The following GLIS3 variants were observed in gnomAD, a reference collection of about 807,000 sequenced individuals.
GLIS3 encodes the protein GLIS family zinc finger 3.
Under a neutral mutation model 78.6 loss-of-function variants are expected in GLIS3, and 53 were observed. That is an observed-to-expected ratio of 0.67 (90% CI 0.54 to 0.85). GLIS3 has a LOEUF of 0.85. Among genes scored for constraint, GLIS3 ranks in the 40% least tolerant of loss-of-function variants. The pLI is 0.00. For synonymous variants in GLIS3, 684 were observed against 509.9 expected, an observed-to-expected ratio of 1.34 and a Z score of -4.60; for missense variants, 1,703 against 1,231.1, an observed-to-expected ratio of 1.38 and a Z score of -5.74.
At chr9:4,099,850 C>T (rs900619145) in intron 4 of GLIS3, among the ~76,000 whole-genome samples, 2 of 152,224 alleles carry the variant, frequency 1.3e-5, no homozygotes, top group Admixed American at 6.5e-5. Context: ...TTTGTTTTCA[C>T]CTTCAAATTC....
chr9:3,907,158 G>T (rs909740611), intron 6 of GLIS3, among the ~76,000 whole-genome samples: 2 of 152,234 alleles, frequency 1.3e-5, no homozygotes, highest in African/African-American at 4.8e-5. Flanking sequence ...GATTGGACAT[G>T]TGCACTGGGG....
chr9:3,987,023 T>TA (rs1819796101), intron 4 of GLIS3, among the ~76,000 whole-genome samples: 1 of 152,196 alleles, frequency 6.6e-6, no homozygotes, highest in South Asian at 2.1e-4. Context: ...TGAAATGATC[T>TA]GAAAAGGATT....
intron 8 of GLIS3, among the ~76,000 whole-genome samples, chr9:3,863,272 C>T (rs1820345459): frequency 6.6e-6 from 1 of 152,188 alleles, no homozygotes; most frequent in Admixed American, 6.5e-5. Flanking sequence ...ACAAAAGAGA[C>T]ACTTGGACTC....
intron 2 of GLIS3, among the ~76,000 whole-genome samples, chr9:4,218,289 C>CTT (rs548990394): frequency 6.7e-6 from 1 of 149,308 alleles, no homozygotes; most frequent in Non-Finnish European, 1.5e-5. Flanking sequence ...TTTGGTTGAA[C>CTT]TTTTTTTTTT....
At chr9:3,982,224 T>TC (rs1208971590) in intron 4 of GLIS3, among the ~76,000 whole-genome samples, 1 of 152,000 alleles carries the variant, frequency 6.6e-6, no homozygotes, top group East Asian at 1.9e-4. Flanking sequence ...TTTTTTTTTT[T>TC]CCTACATAGC....
At chr9:4,331,834 G>A (rs1388743143) in intron 2 of GLIS3, among the ~76,000 whole-genome samples, 1 of 152,238 alleles carries the variant, frequency 6.6e-6, no homozygotes, top group African/African-American at 2.4e-5. Flanking sequence ...TTCAGACAGA[G>A]AGAACACATG....
intron 7 of GLIS3, among the ~76,000 whole-genome samples, chr9:3,897,447 A>T (rs1822935128): frequency 6.6e-6 from 1 of 150,802 alleles, no homozygotes; most frequent in African/African-American, 2.4e-5. Context: ...ATATATATAT[A>T]TATTTAATAC....
intron 4 of GLIS3, among the ~76,000 whole-genome samples, chr9:4,116,202 T>C (rs1342613831): frequency 1.3e-5 from 2 of 152,228 alleles, no homozygotes; most frequent in African/African-American, 4.8e-5. Flanking sequence ...CAGTGAACTA[T>C]TTTCAGCCAG....
At chr9:4,250,122 T>C (rs1005571167) in intron 2 of GLIS3, among the ~76,000 whole-genome samples, 2 of 152,230 alleles carry the variant, frequency 1.3e-5, no homozygotes, top group Non-Finnish European at 2.9e-5. Context: ...ATCAGGATGA[T>C]GCTGGCCTCA....
the GLIS3 span, among the ~76,000 whole-genome samples, chr9:4,400,390 A>G: frequency 6.6e-6 from 1 of 152,184 alleles, no homozygotes; most frequent in African/African-American, 2.4e-5. Context: ...GTAATTCAAA[A>G]TCAAAGCTGT....
At chr9:4,125,206 T>C (rs2130910706) in intron 3 of GLIS3, among the ~76,000 whole-genome samples, 1 of 152,358 alleles carries the variant, frequency 6.6e-6, no homozygotes, top group Middle Eastern at 3.4e-3. Flanking sequence ...CTTTCTATCT[T>C]TACTCTCTCT....
At chr9:4,303,008 G>GTTC (rs1817131270), upstream of GLIS3, among the ~76,000 whole-genome samples, 2 of 152,274 alleles carry the variant, frequency 1.3e-5, no homozygotes, top group African/African-American at 2.4e-5. Context: ...CTCACTCAAA[G>GTTC]CTAGAGTACA....
chr9:4,190,313 T>A (rs1336789847), intron 2 of GLIS3, among the ~76,000 whole-genome samples: 1 of 152,094 alleles, frequency 6.6e-6, no homozygotes, highest in Non-Finnish European at 1.5e-5. Context: ...ATAACTAGAA[T>A]AACCAATATA....
chr9:4,456,827 T>G, the GLIS3 span, among the ~76,000 whole-genome samples: 2 of 152,324 alleles, frequency 1.3e-5, no homozygotes, highest in East Asian at 3.9e-4. Context: ...ACATACATAT[T>G]TATCAATTAA....
chr9:3,963,626 A>G (rs77685337), intron 4 of GLIS3, among the ~76,000 whole-genome samples: 7,769 of 152,258 alleles, frequency 0.051, 667 homozygotes, highest in African/African-American at 0.18. Context: ...GAATGATAGA[A>G]GTTTCCTCTT....
intron 2 of GLIS3, among the ~76,000 whole-genome samples, chr9:4,154,758 G>C (rs747338175): frequency 6.6e-6 from 1 of 152,066 alleles, no homozygotes; most frequent in Non-Finnish European, 1.5e-5. Flanking sequence ...AAGCAACTTG[G>C]TAACACAGTC....
intron 4 of GLIS3, among the ~76,000 whole-genome samples, chr9:4,020,957 T>C (rs1382023920): frequency 1.3e-5 from 2 of 152,176 alleles, no homozygotes; most frequent in East Asian, 1.9e-4. Flanking sequence ...GAGACTTCTA[T>C]GCGCTAGAGA....
chr9:4,001,433 T>C (rs1821115529), intron 4 of GLIS3, among the ~76,000 whole-genome samples: 2 of 152,190 alleles, frequency 1.3e-5, no homozygotes. Context: ...GACAAATAAA[T>C]TTAGGCAACC....
intron 6 of GLIS3, among the ~76,000 whole-genome samples, chr9:3,930,248 A>G (rs1348381283): frequency 6.6e-6 from 1 of 152,228 alleles, no homozygotes; most frequent in Non-Finnish European, 1.5e-5. Flanking sequence ...CAAGTCAATG[A>G]AATCCAATTC....
Sources: allele counts gnomAD v4.1 joint callset (sites outside exome capture counted in the v4.1 genomes callset), GRCh38; gene constraint gnomAD v4.1.1; transcripts MANE v1.5; gene names NCBI Gene and HGNC (gene_info 2026-07-23, HGNC 2026-07-21).